Variants in LSAMP observed in about 807,000 individuals in gnomAD.
LSAMP encodes the protein limbic system associated membrane protein.
LSAMP carries 7 observed loss-of-function variants against 38.6 expected under a neutral mutation model. The ratio of observed to expected loss-of-function variants is 0.18; its 90% CI spans 0.10 to 0.34. The LOEUF is 0.34. Ranked by LOEUF, LSAMP falls within the 10% of genes least tolerant of loss-of-function variation. The probability of loss-of-function intolerance (pLI) is 1.00; values close to 1 mark genes in which losing one functional copy is unlikely to be tolerated. For missense variants in LSAMP, 313 were observed against 420.0 expected, an observed-to-expected ratio of 0.75 and a Z score of 2.23; for synonymous variants, 154 against 166.8, an observed-to-expected ratio of 0.92 and a Z score of 0.59.
chr3:116,273,696 A>ATATATATG, intron 1 of LSAMP, among the ~76,000 whole-genome samples: 1 of 124,630 alleles, frequency 8.0e-6, no homozygotes, highest in Non-Finnish European at 1.6e-5. Context: ...ATATATATAT[A>ATATATATG]TATATATATA....
At chr3:116,033,783 A>G (rs540421170) in intron 2 of LSAMP, among the ~76,000 whole-genome samples, 2 of 152,022 alleles carry the variant, frequency 1.3e-5, no homozygotes, top group Admixed American at 1.3e-4. Context: ...GTTCATATAG[A>G]AAAAAAACCT....
At chr3:115,819,895 TTC>T (rs1471179262) in intron 6 of LSAMP, among the ~76,000 whole-genome samples, 1 of 152,166 alleles carries the variant, frequency 6.6e-6, no homozygotes, top group Middle Eastern at 3.2e-3. Context: ...GAGCAGAACA[TTC>T]TGAGCACATT....
At chr3:116,418,874 G>A (rs186509604) in intron 1 of LSAMP, among the ~76,000 whole-genome samples, 17 of 152,100 alleles carry the variant, frequency 1.1e-4, no homozygotes, top group Admixed American at 7.2e-4. Context: ...TTACCCCTTC[G>A]CTCATGGTCA....
chr3:116,129,861 A>G (rs973473847), intron 1 of LSAMP, among the ~76,000 whole-genome samples: 1 of 152,326 alleles, frequency 6.6e-6, no homozygotes, highest in Non-Finnish European at 1.5e-5. Flanking sequence ...GCCCAGTGGA[A>G]AGTAAAGCCT....
chr3:116,032,589 A>G (rs1940950962), intron 2 of LSAMP, among the ~76,000 whole-genome samples: 1 of 152,130 alleles, frequency 6.6e-6, no homozygotes, highest in African/African-American at 2.4e-5. Context: ...GTGAAGCAGC[A>G]GTTTGAGACA....
chr3:115,956,747 C>T (rs1559896186), intron 3 of LSAMP, among the ~76,000 whole-genome samples: 1 of 151,984 alleles, frequency 6.6e-6, no homozygotes, highest in Non-Finnish European at 1.5e-5. Context: ...TAACTATTTC[C>T]AAATAAGAGA....
intron 2 of LSAMP, among the ~76,000 whole-genome samples, chr3:116,056,393 T>A (rs1422776427): frequency 6.6e-6 from 1 of 152,132 alleles, no homozygotes; most frequent in Non-Finnish European, 1.5e-5. Flanking sequence ...TGGGCTAAAG[T>A]GAAATCTGGT....
intron 1 of LSAMP, among the ~76,000 whole-genome samples, chr3:116,121,366 T>G (rs1396748924): frequency 6.6e-6 from 1 of 152,136 alleles, no homozygotes; most frequent in African/African-American, 2.4e-5. Flanking sequence ...TATTCTTGAG[T>G]AAGTTCCTAG....
intron 1 of LSAMP, among the ~76,000 whole-genome samples, chr3:116,144,423 T>G (rs1709444374): frequency 6.6e-6 from 1 of 151,836 alleles, no homozygotes; most frequent in Admixed American, 6.6e-5. Context: ...CTTGGGGAGC[T>G]GAGGTGATAT....
intron 2 of LSAMP, among the ~76,000 whole-genome samples, chr3:116,030,703 C>A (rs1174232196): frequency 6.6e-6 from 1 of 152,010 alleles, no homozygotes; most frequent in Non-Finnish European, 1.5e-5. Context: ...TGGCAAATAG[C>A]AATTGAATGA....
intron 1 of LSAMP, among the ~76,000 whole-genome samples, chr3:116,182,917 T>A (rs1710520742): frequency 6.6e-6 from 1 of 151,900 alleles, no homozygotes; most frequent in African/African-American, 2.4e-5. Context: ...GTAGATTTGC[T>A]GAGAGATATC....
At chr3:116,150,726 G>A (rs1002806104) in intron 1 of LSAMP, among the ~76,000 whole-genome samples, 2 of 151,940 alleles carry the variant, frequency 1.3e-5, no homozygotes, top group African/African-American at 2.4e-5. Context: ...GCTGGAAAAT[G>A]CCCTATGAGA....
At chr3:116,188,606 A>T (rs891344127) in intron 1 of LSAMP, among the ~76,000 whole-genome samples, 1 of 152,196 alleles carries the variant, frequency 6.6e-6, no homozygotes, top group Non-Finnish European at 1.5e-5. Flanking sequence ...GCCCTGCTAG[A>T]TTCACACAAG....
At chr3:115,954,257 G>A (rs1938384334) in intron 3 of LSAMP, among the ~76,000 whole-genome samples, 2 of 152,132 alleles carry the variant, frequency 1.3e-5, no homozygotes, top group South Asian at 4.1e-4. Flanking sequence ...CAGCCTGGGA[G>A]CACAGTTTTA....
At chr3:115,896,785 T>C (rs921278911) in intron 3 of LSAMP, among the ~76,000 whole-genome samples, 1 of 152,142 alleles carries the variant, frequency 6.6e-6, no homozygotes, top group Admixed American at 6.6e-5. Context: ...GTCCGCACAT[T>C]GTTATCCTCA....
chr3:116,074,470 A>G (rs1033183515), intron 2 of LSAMP, among the ~76,000 whole-genome samples: 2 of 152,190 alleles, frequency 1.3e-5, no homozygotes, highest in Non-Finnish European at 2.9e-5. Context: ...GCCCAAAACC[A>G]TTTGTATTTC....
At chr3:116,383,312 A>G (rs2048586180) in intron 1 of LSAMP, among the ~76,000 whole-genome samples, 1 of 152,138 alleles carries the variant, frequency 6.6e-6, no homozygotes, top group Non-Finnish European at 1.5e-5. Context: ...GACTAACAGT[A>G]GCCACCTTGC....
At chr3:116,414,166 T>C (rs2049017839) in intron 1 of LSAMP, among the ~76,000 whole-genome samples, 1 of 152,112 alleles carries the variant, frequency 6.6e-6, no homozygotes, top group South Asian at 2.1e-4. Flanking sequence ...TTTATATTTT[T>C]GGAGGGTAAA....
At chr3:116,226,844 G>C (rs1482838044) in intron 1 of LSAMP, among the ~76,000 whole-genome samples, 3 of 152,184 alleles carry the variant, frequency 2.0e-5, no homozygotes, top group African/African-American at 4.8e-5. Flanking sequence ...TGGGCTCCGT[G>C]AGTTTTCTCT....
Sources: gnomAD v4.1 joint callset for allele counts (sites outside exome capture counted in the v4.1 genomes callset) on GRCh38, gnomAD v4.1.1 for gene constraint, MANE v1.5 for transcripts, NCBI Gene and HGNC (gene_info 2026-07-23, HGNC 2026-07-21) for gene names.